The following KCNH8 variants were observed in gnomAD, a reference collection of about 807,000 sequenced individuals.
KCNH8 encodes the protein potassium voltage-gated channel subfamily H member 8, also known as voltage-gated delayed rectifier potassium channel KCNH8.
KCNH8 carries 70 observed loss-of-function variants against 103.6 expected under a neutral mutation model. The observed-to-expected ratio is 0.68, with a 90% CI of 0.56 to 0.82. The LOEUF (loss-of-function observed/expected upper bound fraction) is 0.82. KCNH8 is among the 40% of genes least tolerant of loss of function. The probability of loss-of-function intolerance (pLI) is 0.00; values close to 1 mark genes in which losing one functional copy is unlikely to be tolerated. For synonymous variants in KCNH8, 498 were observed against 489.4 expected, an observed-to-expected ratio of 1.02 and a Z score of -0.23; for missense variants, 1,217 against 1,329.9, an observed-to-expected ratio of 0.92 and a Z score of 1.32.
At chr3:19,451,567 C>G (rs2067449074) in intron 10 of KCNH8, among the ~76,000 whole-genome samples, 163 bp downstream of exon 10, 1 of 151,968 alleles carries the variant, frequency 6.6e-6, no homozygotes, top group Non-Finnish European at 1.5e-5. Context: ...GTGTTATATC[C>G]AACATATTAT....
At chr3:19,222,549 A>G (rs1238863378) in intron 1 of KCNH8, among the ~76,000 whole-genome samples, 1 of 152,232 alleles carries the variant, frequency 6.6e-6, no homozygotes, top group Non-Finnish European at 1.5e-5. Flanking sequence ...TCCAGTCATC[A>G]ATCTAACTGC....
chr3:19,280,588 T>C lies in KCNH8; in HGVS notation c.311-610T>C, dbSNP rs149361695. Reference sequence around the variant, plus strand: ...ATTCATCTATTTGGTTTCAAATGATTGTAAGTCACTCATTCACGCTGATGT... The same window carrying C: ...ATTCATCTATTTGGTTTCAAATGATCGTAAGTCACTCATTCACGCTGATGT... On this transcript the variant is annotated intron_variant, in intron 2 of 15. Transcript: ENST00000328405. Among the ~76,000 whole-genome samples, 1,075 of 152,234 alleles carry C rather than the reference T, an allele frequency of 7.1e-3. 11 individuals carry two copies. Among genetic ancestry groups the C allele is most frequent in the African/African-American group, 0.023 (969 of 41,556 alleles).
intron 3 of KCNH8, among the ~76,000 whole-genome samples, chr3:19,311,647 G>A (rs1182632581): frequency 2.0e-5 from 3 of 151,802 alleles, no homozygotes; most frequent in Non-Finnish European, 4.4e-5. Context: ...GTGGAGGGCA[G>A]TTTATCCCTC....
At chr3:19,279,503 T>A (rs923105723) in intron 2 of KCNH8, among the ~76,000 whole-genome samples, 17 of 151,200 alleles carry the variant, frequency 1.1e-4, no homozygotes, top group Non-Finnish European at 2.9e-5. Flanking sequence ...GGTAATGAGC[T>A]ATTGAAATGA....
intron 7 of KCNH8, among the ~76,000 whole-genome samples, chr3:19,436,119 GA>G (rs1297202995): frequency 6.6e-6 from 1 of 151,930 alleles, no homozygotes; most frequent in Non-Finnish European, 1.5e-5. Context: ...TTCTGTCTTT[GA>G]AATTGATTAT....
At chr3:19,236,058 C>A (rs913848727) in intron 1 of KCNH8, among the ~76,000 whole-genome samples, 2 of 152,106 alleles carry the variant, frequency 1.3e-5, no homozygotes, top group Non-Finnish European at 2.9e-5. Flanking sequence ...TGGGGGAAGG[C>A]AGGCAAAAGC....
chr3:19,297,910 A>G (rs1254485119), intron 3 of KCNH8, among the ~76,000 whole-genome samples: 1 of 152,220 alleles, frequency 6.6e-6, no homozygotes. Context: ...TATTCCGTGT[A>G]ACAATTTCTA....
At chr3:19,252,644 TC>T (rs2064294164) in intron 1 of KCNH8, among the ~76,000 whole-genome samples, 1 of 152,066 alleles carries the variant, frequency 6.6e-6, no homozygotes, top group Admixed American at 6.6e-5. Flanking sequence ...CACCTTGGCC[TC>T]CCAAAGTGCT....
intron 3 of KCNH8, among the ~76,000 whole-genome samples, chr3:19,317,946 G>A (rs9875980): frequency 0.99 from 150,899 of 152,054 alleles, 74,885 homozygotes; most frequent in Middle Eastern, 1. Flanking sequence ...CACCAATCCT[G>A]TTCAACACAG....
intron 1 of KCNH8, among the ~76,000 whole-genome samples, chr3:19,203,487 G>A (rs1188467784): frequency 6.6e-6 from 1 of 151,944 alleles, no homozygotes; most frequent in Non-Finnish European, 1.5e-5. Flanking sequence ...ACAACTCAGA[G>A]AAAATTTTGC....
chr3:19,259,021 A>T (rs2064392093), intron 2 of KCNH8, among the ~76,000 whole-genome samples: 1 of 125,276 alleles, frequency 8.0e-6, no homozygotes, highest in African/African-American at 3.0e-5. Context: ...TTTTGTTATG[A>T]TGATTTTTAT....
intron 11 of KCNH8, among the ~76,000 whole-genome samples, chr3:19,461,108 T>G (rs923979324): frequency 1.1e-4 from 17 of 152,298 alleles, no homozygotes; most frequent in African/African-American, 3.8e-4. Flanking sequence ...TAATTACTTT[T>G]GATTGGAGGG....
At chr3:19,506,419 T>C (rs1280926502) in intron 11 of KCNH8, among the ~76,000 whole-genome samples, 1 of 152,204 alleles carries the variant, frequency 6.6e-6, no homozygotes, top group Non-Finnish European at 1.5e-5. Flanking sequence ...CAGAGGAGTA[T>C]ATTACCAAAA....
intron 7 of KCNH8, among the ~76,000 whole-genome samples, chr3:19,425,944 A>G (rs1220987552): frequency 6.6e-6 from 1 of 152,078 alleles, no homozygotes. Context: ...TACTTAAGAG[A>G]ATAGAAATAG....
intron 1 of KCNH8, among the ~76,000 whole-genome samples, chr3:19,231,519 A>T (rs1403356280): frequency 6.6e-6 from 1 of 152,192 alleles, no homozygotes; most frequent in Non-Finnish European, 1.5e-5. Flanking sequence ...AAAAAGTAAT[A>T]GTAAATTTAT....
At chr3:19,442,480 AT>A (rs2067297693) in intron 8 of KCNH8, among the ~76,000 whole-genome samples, 1 of 152,194 alleles carries the variant, frequency 6.6e-6, no homozygotes, top group Non-Finnish European at 1.5e-5. Flanking sequence ...TGCACAAACT[AT>A]TCCCTGCTGT....
chr3:19,484,890 A>G (rs1040835178), intron 11 of KCNH8, among the ~76,000 whole-genome samples: 1 of 152,110 alleles, frequency 6.6e-6, no homozygotes, highest in African/African-American at 2.4e-5. Flanking sequence ...TCTCTGTAGT[A>G]TAGGAGGAGG....
At chr3:19,164,279 G>C (rs186997967) in intron 1 of KCNH8, among the ~76,000 whole-genome samples, 5 of 152,122 alleles carry the variant, frequency 3.3e-5, no homozygotes, top group South Asian at 2.1e-4. Context: ...ACAGGAGAAG[G>C]CTTGGCTGTT....
intron 11 of KCNH8, among the ~76,000 whole-genome samples, chr3:19,493,476 TTC>T (rs1042668178): frequency 1.4e-4 from 22 of 152,150 alleles, no homozygotes; most frequent in African/African-American, 5.3e-4. Context: ...ACACACTTGC[TTC>T]TCTCTCATCC....
Sources: allele counts gnomAD v4.1 joint callset (sites outside exome capture counted in the v4.1 genomes callset), GRCh38; gene constraint gnomAD v4.1.1; transcripts MANE v1.5; gene names NCBI Gene and HGNC (gene_info 2026-07-23, HGNC 2026-07-21).